RBFOX1: variants seen among roughly 807,000 people sequenced by gnomAD.
The protein encoded by RBFOX1 is RNA binding fox-1 homolog 1.
In RBFOX1, 8 loss-of-function variants were observed where a neutral mutation model predicts 57.7. The observed-to-expected ratio is 0.14, with a 90% CI of 0.08 to 0.25. The LOEUF (loss-of-function observed/expected upper bound fraction) is 0.25. RBFOX1 is among the 10% of genes least tolerant of loss of function. The pLI is 1.00. For synonymous variants in RBFOX1, 326 were observed against 222.4 expected (o/e 1.47, Z -4.15); for missense variants, 611 against 548.5 (o/e 1.11, Z -1.14).
chr16:5,573,117 A>C (rs2046340935), intron 2 of RBFOX1, among the ~76,000 whole-genome samples: 1 of 152,162 alleles, frequency 6.6e-6, no homozygotes, highest in African/African-American at 2.4e-5. Context: ...GATGACGAGA[A>C]TTGGGAGGTT....
chr16:5,674,635 G>T (rs902646143), intron 3 of RBFOX1, among the ~76,000 whole-genome samples: 7 of 152,216 alleles, frequency 4.6e-5, no homozygotes, highest in African/African-American at 1.7e-4. Flanking sequence ...CAAAGTTATT[G>T]TGGGTTTTGC....
At chr16:5,433,600 C>G (rs992546320) in intron 1 of RBFOX1, among the ~76,000 whole-genome samples, 1 of 152,184 alleles carries the variant, frequency 6.6e-6, no homozygotes, top group East Asian at 1.9e-4. Context: ...AAAATAGCAT[C>G]TATTTTATCC....
chr16:5,850,627 T>A (rs1232295112), intron 3 of RBFOX1, among the ~76,000 whole-genome samples: 1 of 152,164 alleles, frequency 6.6e-6, no homozygotes, highest in Non-Finnish European at 1.5e-5. Flanking sequence ...ATGTGCATGA[T>A]CACATTTACT....
chr16:6,840,994 C>G (rs1040920190), intron 3 of RBFOX1, among the ~76,000 whole-genome samples: 9 of 152,040 alleles, frequency 5.9e-5, no homozygotes, highest in Non-Finnish European at 1.3e-4. Context: ...TCACCAGACA[C>G]TGAATCTGCC....
At chr16:6,892,770 GTCTCCCTCTCTCTCTCTCTCTC>G (rs1436238964) in intron 3 of RBFOX1, among the ~76,000 whole-genome samples, 1,668 of 91,836 alleles carry the variant, frequency 0.018, 70 homozygotes, top group African/African-American at 0.074. Context: ...AAGCCTCCCT[GTCTCCCTCTCTCTCTCTCTCTC>G]TCTCTCTCTC....
intron 3 of RBFOX1, among the ~76,000 whole-genome samples, chr16:6,826,038 G>T (rs1354294087): frequency 2.6e-5 from 4 of 152,164 alleles, no homozygotes; most frequent in Non-Finnish European, 5.9e-5. Context: ...GTGATGTGCA[G>T]AGGTGGTCCA....
At chr16:6,193,617 A>C (rs1271361699) in intron 1 of RBFOX1, among the ~76,000 whole-genome samples, 1 of 151,710 alleles carries the variant, frequency 6.6e-6, no homozygotes, top group East Asian at 1.9e-4. Context: ...TAAAACAGGC[A>C]AAGCATTCAG....
At chr16:7,604,586 T>G (rs2095207615) in intron 9 of RBFOX1, among the ~76,000 whole-genome samples, 1 of 152,024 alleles carries the variant, frequency 6.6e-6, no homozygotes, top group Non-Finnish European at 1.5e-5. Flanking sequence ...AACAGCAGAT[T>G]ATAGGGGGAT....
At chr16:7,510,347 T>A in intron 4 of RBFOX1, 1 of 985,064 alleles carries the variant, frequency 1.0e-6, no homozygotes, top group Non-Finnish European at 1.2e-6. Context: ...AATCTTTCAC[T>A]CAAAATTGCG....
intron 3 of RBFOX1, among the ~76,000 whole-genome samples, chr16:6,968,715 C>T (rs907643455): frequency 1.3e-5 from 2 of 152,172 alleles, no homozygotes; most frequent in African/African-American, 2.4e-5. Context: ...CTCCTGTTCT[C>T]ATGGCAGCTG....
intron 3 of RBFOX1, among the ~76,000 whole-genome samples, chr16:6,860,477 A>G (rs905272697): frequency 2.0e-5 from 3 of 152,224 alleles, no homozygotes; most frequent in Non-Finnish European, 4.4e-5. Context: ...GGAAGAGTAT[A>G]TTGATGCACC....
At chr16:6,327,304 G>A (rs185405704) in intron 2 of RBFOX1, among the ~76,000 whole-genome samples, 18 of 151,898 alleles carry the variant, frequency 1.2e-4, no homozygotes, top group East Asian at 1.9e-4. Context: ...ATGTTTTTCC[G>A]CTTTATCTTA....
At chr16:7,542,396 G>C (rs2083189340) in intron 5 of RBFOX1, among the ~76,000 whole-genome samples, 1 of 152,124 alleles carries the variant, frequency 6.6e-6, no homozygotes, top group African/African-American at 2.4e-5. Context: ...GATTACCCGG[G>C]TCTGCAGGTG....
chr16:6,874,975 C>A (rs929131227), intron 3 of RBFOX1, among the ~76,000 whole-genome samples: 1 of 152,094 alleles, frequency 6.6e-6, no homozygotes, highest in Admixed American at 6.5e-5. Flanking sequence ...GCTTCATAAC[C>A]CATGTTACTA....
intron 4 of RBFOX1, among the ~76,000 whole-genome samples, chr16:5,949,531 A>G (rs2059476289): frequency 1.5e-5 from 2 of 135,760 alleles, no homozygotes; most frequent in Non-Finnish European, 3.2e-5. Context: ...ATCTCAAAAA[A>G]AAAAAAAAAA....
At chr16:5,918,012 C>G (rs922137512) in intron 4 of RBFOX1, among the ~76,000 whole-genome samples, 4 of 152,192 alleles carry the variant, frequency 2.6e-5, no homozygotes, top group Non-Finnish European at 4.4e-5. Context: ...GCAGCTTGAT[C>G]CTCGCCTTCT....
chr16:7,105,830 T>C (rs1271286930), intron 4 of RBFOX1, among the ~76,000 whole-genome samples: 1 of 152,122 alleles, frequency 6.6e-6, no homozygotes, highest in Non-Finnish European at 1.5e-5. Context: ...ATCCACTCAT[T>C]TGATTGATGG....
chr16:6,188,328 A>G (rs554744998), intron 1 of RBFOX1, among the ~76,000 whole-genome samples: 1 of 151,698 alleles, frequency 6.6e-6, no homozygotes, highest in Admixed American at 6.6e-5. Context: ...AGTTTTTACC[A>G]TGAGAAAAAA....
intron 14 of RBFOX1, among the ~76,000 whole-genome samples, chr16:7,699,859 A>G (rs1281219305): frequency 1.3e-5 from 2 of 152,140 alleles, no homozygotes; most frequent in Non-Finnish European, 1.5e-5. Flanking sequence ...GCTCAAATGA[A>G]TATTGAAAGA....
Sources: allele counts gnomAD v4.1 joint callset (sites outside exome capture counted in the v4.1 genomes callset), GRCh38; gene constraint gnomAD v4.1.1; transcripts MANE v1.5; gene names NCBI Gene and HGNC (gene_info 2026-07-23, HGNC 2026-07-21).